KRR1: variants seen among roughly 807,000 people sequenced by gnomAD.
KRR1 encodes the protein KRR1 small subunit processome component homolog.
In KRR1, 23 loss-of-function variants were observed where a neutral mutation model predicts 50.0. The observed-to-expected ratio is 0.46, with a 90% confidence interval of 0.33 to 0.65. The LOEUF is 0.65. KRR1 is among the 30% of genes least tolerant of loss of function. KRR1 has a pLI of 0.02. For synonymous variants in KRR1, 133 were observed against 146.3 expected, an observed-to-expected ratio of 0.91 and a Z score of 0.66; for missense variants, 419 against 442.4, an observed-to-expected ratio of 0.95 and a Z score of 0.47.
intron 8 of KRR1, 42 bp downstream of exon 8, chr12:75,501,881 T>G (rs751999311): frequency 8.2e-6 from 13 of 1,590,390 alleles, no homozygotes; most frequent in Non-Finnish European, 1.1e-5. Flanking sequence ...CAAGTATCTA[T>G]GAACTTTGCT....
Position 75,498,947 on chromosome 12 carries a change from A to G in KRR1, c.*862T>C, listed in dbSNP as rs1241898244. 1.2e-6 allele frequency: 2 copies of G among 1,604,600 alleles called. No homozygotes were observed. The highest frequency in any genetic ancestry group is 3.4e-5 in the Admixed American group (2 of 58,424). On this transcript the variant is annotated 3_prime_UTR_variant, in exon 10 of 10. Transcript: ENST00000229214. ...GTTATAATTACCATTTTGGTACAGC[A>G]CAAGTACCCTAATTTAGTTCTTTTG... is the stretch of plus-strand genomic sequence containing the variant.
At chr12:75,509,046 T>C (rs2046434990) in intron 1 of KRR1, among the ~76,000 whole-genome samples, 3 of 152,118 alleles carry the variant, frequency 2.0e-5, no homozygotes, top group Admixed American at 2.0e-4. Context: ...TAGAAGATGG[T>C]CTAAAAAGGT....
rs2046323234 is a variant in KRR1, at chr12:75,491,415, T to A, written c.*8394A>T. On this transcript the variant is annotated 3_prime_UTR_variant, in exon 10 of 10. Coordinates refer to ENST00000229214, the MANE Select transcript of KRR1 (RefSeq NM_007043.7). ...GTCCATGCTCTTGATGGTACCACCA[T>A]CCTGTTGAAGAATTTAGATTGTTCA... 1 of 152,210 alleles carries A rather than the reference T, an allele frequency of 6.6e-6. No individual in the cohort carries two copies. Among genetic ancestry groups the A allele is most frequent in the South Asian group, 2.1e-4 (1 of 4,832 alleles). 9.4% of individuals were successfully genotyped at this position (152,210 alleles called of 1,614,324 possible). A position where few individuals can be genotyped will look rare whatever the true frequency, so the allele number is the denominator to read the frequency against.
At position 75,495,484 on chromosome 12, in the gene KRR1, A is replaced by T; in HGVS notation, c.*4325T>A. ...TCTCTGGACCTTTGTACTTCACTCC[A>T]CTATTCTTCTGGATTTAGTTAAGGA... is the stretch of plus-strand genomic sequence containing the variant. On this transcript the variant is annotated 3_prime_UTR_variant, in exon 10 of 10. Coordinates refer to ENST00000229214, the MANE Select transcript of KRR1 (RefSeq NM_007043.7). 1.4e-6 allele frequency: 1 copy of T among 692,588 alleles called. No individual in the cohort carries two copies. The highest frequency in any genetic ancestry group is 1.6e-5 in the South Asian group (1 of 61,372). The allele number at this position is 692,588 out of a possible 1,614,324, so 42.9% of individuals were successfully genotyped here.
intron 2 of KRR1, 132 bp downstream of exon 2, chr12:75,508,142 T>C: frequency 1.0e-5 from 5 of 483,612 alleles, no homozygotes; most frequent in Non-Finnish European, 1.7e-5. Context: ...TAGTTTAGAA[T>C]ACCAAAGGAA....
chr12:75,502,400 G>A (rs1326761553), intron 7 of KRR1: 1 of 157,176 alleles, frequency 6.4e-6, no homozygotes, highest in Non-Finnish European at 1.4e-5. Context: ...TAATGGAGAG[G>A]AATGAAGAAT....
rs2046339512 is a variant in KRR1, at chr12:75,494,533, T to C, written c.*5276A>G. 1 of 152,196 alleles carries C rather than the reference T, an allele frequency of 6.6e-6. No individual in the cohort carries two copies. Among genetic ancestry groups the C allele is most frequent in the South Asian group, 2.1e-4 (1 of 4,832 alleles). 9.4% of individuals were successfully genotyped at this position (152,196 alleles called of 1,614,324 possible). A position where few individuals can be genotyped will look rare whatever the true frequency, so the allele number is the denominator to read the frequency against. On this transcript the variant is annotated 3_prime_UTR_variant, in exon 10 of 10. Coordinates refer to ENST00000229214, the MANE Select transcript of KRR1 (RefSeq NM_007043.7). ...GAAGCACATATTACTTTATCACAAA[T>C]CTTGTTTTAAACATTTTGATAACTA...
In KRR1 at chr12:75,506,417, G is replaced by C. The variant is rs979373903; in HGVS notation, c.520-18C>G. On this transcript the variant is annotated intron_variant, in intron 4 of 9. Transcript: ENST00000229214. The stretch of plus-strand genomic sequence containing the variant: ...TCCAATGCCTGTATCAAGAGATCAA[G>C]TTAAAATTCATTACTCTGAAAAAGT... 5.6e-6 allele frequency: 9 copies of C among 1,604,862 alleles called. No individual in the cohort carries two copies. Among genetic ancestry groups the C allele is most frequent in the Non-Finnish European group, 5.9e-6 (7 of 1,177,652 alleles).
At chr12:75,506,172 T>C (rs1406818760) in intron 5 of KRR1, 144 bp downstream of exon 5, 10 of 578,980 alleles carry the variant, frequency 1.7e-5, no homozygotes, top group South Asian at 1.7e-4. Context: ...CCTTGAATTA[T>C]ATGACATAAA....
At chr12:75,506,630 A>AAAAAAAAG (rs1566105668) in intron 3 of KRR1, 21 bp from the exon 4 acceptor site, 3 of 1,551,814 alleles carry the variant, frequency 1.9e-6, no homozygotes, top group Non-Finnish European at 1.7e-6. Flanking sequence ...AAAAAAAAAA[A>AAAAAAAAG]AAAGAAGACA....
chr12:75,491,288 G>A lies in KRR1; in HGVS notation c.*8521C>T, dbSNP rs765358893. 13 of 152,046 alleles carry A rather than the reference G, an allele frequency of 8.6e-5. No individual in the cohort carries two copies. The highest frequency in any genetic ancestry group is 1.6e-4 in the Non-Finnish European group (11 of 68,028). The allele number at this position is 152,046 out of a possible 1,614,324, so 9.4% of individuals were successfully genotyped here. A position where few individuals can be genotyped will look rare whatever the true frequency, so the allele number is the denominator to read the frequency against. On this transcript the variant is annotated 3_prime_UTR_variant, in exon 10 of 10. Coordinates refer to ENST00000229214, the MANE Select transcript of KRR1 (RefSeq NM_007043.7). The stretch of plus-strand genomic sequence containing the variant: ...TGGCTCCTATTACTACCCCTGTTTG[G>A]CAAATGAGAACAGCAAGGCACACAC...
In KRR1 at chr12:75,495,877, AAAC is replaced by A. The variant is rs1002297888; in HGVS notation, c.*3929_*3931del. On this transcript the variant is annotated 3_prime_UTR_variant, in exon 10 of 10. Coordinates refer to ENST00000229214, the MANE Select transcript of KRR1 (RefSeq NM_007043.7). The stretch of plus-strand genomic sequence containing the variant: ...TCTTTTTATTTAGTTCTAATTGGTC[AAAC>A]AACAACAACAAAAAAAACTGTCAGA... 1.8e-4 allele frequency: 62 copies of A among 347,622 alleles called. No homozygotes were observed. The highest frequency in any genetic ancestry group is 2.4e-4 in the African/African-American group (11 of 46,766). The allele number at this position is 347,622 out of a possible 1,614,324, so 21.5% of individuals were successfully genotyped here.
At chr12:75,505,859 G>GT (rs2046419500) in intron 5 of KRR1, among the ~76,000 whole-genome samples, 1 of 152,060 alleles carries the variant, frequency 6.6e-6, no homozygotes, top group Admixed American at 6.6e-5. Flanking sequence ...TTCATGAAAA[G>GT]TTATTAAACA....
In KRR1 at chr12:75,503,931, T is replaced by A. The variant is rs374731315; in HGVS notation, c.804A>T (p.Pro268=). ...GACTTTCTGGTTGTGGTGGTGGGAA[T>A]GGCGTATATTCTTTCTTAACAGTTT... is the stretch of plus-strand genomic sequence containing the variant. ...KKKTVKKEYT[P]FPPPQPESQI... Residue 268 remains proline, a synonymous_variant, in exon 7 of 10, where the codon CCA becomes CCT. Transcript: ENST00000229214. The A allele has an allele frequency of 6.2e-7, 1 of 1,611,136 alleles. No homozygotes were observed. The highest frequency in any genetic ancestry group is 2.2e-5 in the East Asian group (1 of 44,822).
chr12:75,507,101 A>G (rs946326077), intron 2 of KRR1, among the ~76,000 whole-genome samples, 185 bp from the exon 3 acceptor site: 3 of 152,210 alleles, frequency 2.0e-5, no homozygotes, highest in Non-Finnish European at 4.4e-5. Context: ...TTTACAGACT[A>G]TAAGAAACTG....
rs35207358 is a variant in KRR1, at chr12:75,499,698, C to CA, written c.*110dup. The CA allele has an allele frequency of 0.023, 12,882 of 559,558 alleles. 22 individuals carry two copies. Among genetic ancestry groups the CA allele is most frequent in the East Asian group, 0.072 (2,066 of 28,500 alleles). The allele number at this position is 559,558 out of a possible 1,614,324, so 34.7% of individuals were successfully genotyped here. A position where few individuals can be genotyped will look rare whatever the true frequency, so the allele number is the denominator to read the frequency against. ...CTCTTCTATGAACAACCACCACCAC[C>CA]AAAAAAAAAAAAAGCCCTCAGAAAA... is the stretch of plus-strand genomic sequence containing the variant. On this transcript the variant is annotated 3_prime_UTR_variant, in exon 10 of 10. Transcript: ENST00000229214.
In KRR1 at chr12:75,511,588, G is replaced by A. The variant is rs980996973; in HGVS notation, c.10C>T (p.Pro4Ser). The change falls in exon 1 of 10, where the codon CCC becomes TCC. Residue 4 changes from proline to serine, a missense_variant. Physicochemically the swap from Pro to Ser is moderately conservative, Grantham distance 74. Transcript: ENST00000229214. MAS[P>S]SLERPEKGAG... is the part of the protein sequence containing the mutation. Reference sequence around the variant, plus strand: ...CCTTTTTCTGGCCGCTCCAGCGAGGGAGACGCCATTTGCAAGCTGCTTCCG... The same window carrying A: ...CCTTTTTCTGGCCGCTCCAGCGAGGAAGACGCCATTTGCAAGCTGCTTCCG... 65 of 1,613,898 alleles carry A rather than the reference G, an allele frequency of 4.0e-5. No individual in the cohort carries two copies. Among genetic ancestry groups the A allele is most frequent in the Non-Finnish European group, 5.0e-5 (59 of 1,179,934 alleles).
chr12:75,503,974 C>A lies in KRR1; in HGVS notation c.761G>T (p.Arg254Leu). 1.9e-6 allele frequency: 3 copies of A among 1,611,894 alleles called. No individual in the cohort carries two copies. The highest frequency in any genetic ancestry group is 2.5e-6 in the Non-Finnish European group (3 of 1,178,586). Residue 254 changes from arginine (R) to leucine (L), a missense_variant, in exon 7 of 10, where the codon CGC (arginine) becomes CTC (leucine). Arg to Leu is a moderately radical substitution (Grantham distance 102). Transcript: ENST00000229214. ...AACAGTTTTTTTCTTTGGTTCCTTGCGTTTATTCACATTTTTGTGTTTGAA... is the reference window on the plus strand; with the variant it reads ...AACAGTTTTTTTCTTTGGTTCCTTGAGTTTATTCACATTTTTGTGTTTGAA... ...PQFKHKNVNK[R>L]KEPKKKTVKK...
intron 2 of KRR1, among the ~76,000 whole-genome samples, chr12:75,507,827 GAAA>G (rs539391661): frequency 6.8e-6 from 1 of 147,440 alleles, no homozygotes; most frequent in Non-Finnish European, 1.5e-5. Context: ...TCCCCAGTTT[GAAA>G]AAAAAAATGC....
Sources: gnomAD v4.1 joint callset for allele counts (sites outside exome capture counted in the v4.1 genomes callset) on GRCh38, gnomAD v4.1.1 for gene constraint, MANE v1.5 for transcripts, NCBI Gene and HGNC (gene_info 2026-07-23, HGNC 2026-07-21) for gene names.